The following CNTN1 variants were observed in gnomAD, a reference collection of about 807,000 sequenced individuals.
CNTN1 encodes the protein contactin-1.
A neutral mutation model predicts 126.4 loss-of-function variants in CNTN1; 38 were observed. The observed-to-expected ratio is 0.30, with a 90% CI of 0.23 to 0.39. CNTN1 has a LOEUF of 0.39. Among genes scored for constraint, CNTN1 ranks in the 10% least tolerant of loss-of-function variants. The pLI, the probability that CNTN1 is intolerant of heterozygous loss-of-function variation, is 1.00. For synonymous variants in CNTN1, 413 were observed against 422.6 expected, an observed-to-expected ratio of 0.98 and a Z score of 0.28; for missense variants, 1,009 against 1,248.4, an observed-to-expected ratio of 0.81 and a Z score of 2.89.
chr12:41,053,469 T>TATATATATA (rs1949734831), intron 23 of CNTN1, among the ~76,000 whole-genome samples: 1 of 48,850 alleles, frequency 2.0e-5, no homozygotes, highest in African/African-American at 1.3e-4. Context: ...ATATATATAT[T>TATATATATA]TGCCAATAAT....
chr12:40,939,688 T>C (rs1369753417), intron 12 of CNTN1, among the ~76,000 whole-genome samples: 1 of 152,144 alleles, frequency 6.6e-6, no homozygotes, highest in African/African-American at 2.4e-5. Flanking sequence ...CAGGACTCTA[T>C]AATGTATAAG....
intron 1 of CNTN1, among the ~76,000 whole-genome samples, chr12:40,742,010 G>A (rs940356311): frequency 1.3e-5 from 2 of 151,860 alleles, no homozygotes; most frequent in Non-Finnish European, 2.9e-5. Context: ...ACTTCCAAGA[G>A]TTTTGTATAT....
intron 1 of CNTN1, among the ~76,000 whole-genome samples, chr12:40,897,672 C>G (rs563572803): frequency 6.6e-6 from 1 of 152,184 alleles, no homozygotes; most frequent in African/African-American, 2.4e-5. Context: ...TAAAAAGGAA[C>G]AAAGCTCTCT....
At chr12:40,941,349 T>G (rs1946257641) in intron 12 of CNTN1, among the ~76,000 whole-genome samples, 1 of 152,118 alleles carries the variant, frequency 6.6e-6, no homozygotes, top group Admixed American at 6.6e-5. Context: ...CATAAAAATT[T>G]TGGTGTCTAT....
chr12:40,925,407 C>A (rs888576607), intron 6 of CNTN1, among the ~76,000 whole-genome samples: 1 of 150,966 alleles, frequency 6.6e-6, no homozygotes, highest in Non-Finnish European at 1.5e-5. Flanking sequence ...GAGAATGAAA[C>A]GTAACAGGCT....
intron 1 of CNTN1, among the ~76,000 whole-genome samples, chr12:40,819,825 G>T (rs1312102872): frequency 6.6e-6 from 1 of 152,194 alleles, no homozygotes; most frequent in Non-Finnish European, 1.5e-5. Context: ...CTTCCGATCC[G>T]TGGGTTGCAC....
intron 1 of CNTN1, among the ~76,000 whole-genome samples, chr12:40,700,352 C>A (rs1766108188): frequency 6.6e-6 from 1 of 151,812 alleles, no homozygotes; most frequent in South Asian, 2.1e-4. Context: ...ATGGTGAAAC[C>A]CCATCTCTAT....
chr12:40,766,568 G>T (rs1377326144), intron 1 of CNTN1, among the ~76,000 whole-genome samples: 1 of 152,056 alleles, frequency 6.6e-6, no homozygotes, highest in Non-Finnish European at 1.5e-5. Flanking sequence ...GGGGTGGAGG[G>T]TACTAAATAT....
In CNTN1 at chr12:41,025,356, T is replaced by C. The variant is rs1230525644; in HGVS notation, c.2710+20T>C. The C allele has an allele frequency of 6.2e-7, 1 of 1,611,164 alleles. No individual in the cohort carries two copies. The highest frequency in any genetic ancestry group is 1.7e-5 in the Admixed American group (1 of 59,970). ...AAGCACGTGAGTCTCACGTTTTGTT[T>C]TTAGACTTGTCAAAAACTACCACTG... On this transcript the variant is annotated intron_variant, in intron 21 of 23. Transcript: ENST00000551295.
chr12:40,812,003 C>CTT (rs145863089), intron 1 of CNTN1, among the ~76,000 whole-genome samples: 1 of 142,648 alleles, frequency 7.0e-6, no homozygotes, highest in African/African-American at 2.6e-5. Context: ...TGAGATCTTT[C>CTT]TTTTTTTTTT....
At chr12:40,746,447 C>A (rs1316846845) in intron 1 of CNTN1, among the ~76,000 whole-genome samples, 1 of 151,934 alleles carries the variant, frequency 6.6e-6, no homozygotes, top group South Asian at 2.1e-4. Context: ...GGGCATAAGG[C>A]AGAAAAAGAG....
chr12:40,723,848 G>C (rs1012004668), intron 1 of CNTN1, among the ~76,000 whole-genome samples: 1 of 152,180 alleles, frequency 6.6e-6, no homozygotes, highest in Non-Finnish European at 1.5e-5. Context: ...TATCTAAAAG[G>C]TAAGTGGAAG....
At chr12:40,793,787 A>G (rs891853205) in intron 1 of CNTN1, among the ~76,000 whole-genome samples, 1 of 151,982 alleles carries the variant, frequency 6.6e-6, no homozygotes, top group East Asian at 1.9e-4. Context: ...CAGGGAGGTT[A>G]TTCTAGTTTC....
intron 1 of CNTN1, among the ~76,000 whole-genome samples, chr12:40,709,481 G>C (rs953175508): frequency 2.0e-5 from 3 of 152,180 alleles, no homozygotes; most frequent in Non-Finnish European, 4.4e-5. Context: ...AGCTACATTA[G>C]CTACTAACAA....
chr12:40,876,730 T>G (rs2136684946), intron 1 of CNTN1, among the ~76,000 whole-genome samples: 1 of 152,256 alleles, frequency 6.6e-6, no homozygotes, highest in Admixed American at 6.5e-5. Flanking sequence ...TTAGCTTTGT[T>G]TTTTCCTACC....
In CNTN1 at chr12:40,799,269, CTAT is replaced by C. The variant is rs1028457895; in HGVS notation, c.-77+106682_-77+106684del. 4.6e-5 allele frequency among the ~76,000 whole-genome samples: 7 copies of C among 151,242 alleles called. 1 individual carries two copies. The highest frequency in any genetic ancestry group is 6.9e-3 in the Middle Eastern group (2 of 288). On this transcript the variant is annotated intron_variant, in intron 1 of 23. Coordinates refer to ENST00000551295, the MANE Select transcript of CNTN1 (RefSeq NM_001843.4). Reference sequence around the variant, plus strand: ...TTGATATTTTTATACTTGATACAATCTATTATTGAGTAATTATTTAATAATCTA... The same window carrying C: ...TTGATATTTTTATACTTGATACAATCTATTGAGTAATTATTTAATAATCTA...
rs548289400 is a variant in CNTN1 at position 40,756,591 on chromosome 12, T to C, written c.-77+63999T>C. On this transcript the variant is annotated intron_variant, in intron 1 of 23. Transcript: ENST00000551295. ...TACTGGATGGTACCGTCAAAGGCCA[T>C]GAGTTTCAAAGCTGAGGGTTGTTAG... is the stretch of plus-strand genomic sequence containing the variant. Among the ~76,000 whole-genome samples the C allele has an allele frequency of 2.0e-5, 3 of 152,242 alleles. No homozygotes were observed. In the South Asian group the frequency reaches 6.2e-4, roughly 32 times the overall value.
intron 15 of CNTN1, among the ~76,000 whole-genome samples, chr12:40,960,352 G>T (rs941363612): frequency 2.0e-5 from 3 of 151,520 alleles, no homozygotes; most frequent in Non-Finnish European, 1.5e-5. Flanking sequence ...AACATTAATT[G>T]TACATTTTGC....
chr12:41,038,961 C>T (rs1949332816), intron 23 of CNTN1, among the ~76,000 whole-genome samples: 1 of 151,886 alleles, frequency 6.6e-6, no homozygotes, highest in African/African-American at 2.4e-5. Context: ...AATGTATTCC[C>T]ACCAGAACAG....
Sources: gnomAD v4.1 joint callset for allele counts (sites outside exome capture counted in the v4.1 genomes callset) on GRCh38, gnomAD v4.1.1 for gene constraint, MANE v1.5 for transcripts, NCBI Gene and HGNC (gene_info 2026-07-23, HGNC 2026-07-21) for gene names.